Variants in SPOCK3 observed in about 807,000 individuals in gnomAD.
SPOCK3 encodes the protein SPARC (osteonectin), cwcv and kazal like domains proteoglycan 3, also known as testican-3.
In SPOCK3, 30 loss-of-function variants were observed where a neutral mutation model predicts 56.6. The observed-to-expected ratio is 0.53, with a 90% CI of 0.40 to 0.72. The LOEUF is 0.72. SPOCK3 is among the 30% of genes least tolerant of loss of function. The pLI, the probability that SPOCK3 is intolerant of heterozygous loss-of-function variation, is 0.00. For synonymous variants in SPOCK3, 196 were observed against 183.3 expected (o/e 1.07, Z -0.56); for missense variants, 527 against 530.0 (o/e 0.99, Z 0.06).
chr4:167,095,435 C>G (rs1759066246), intron 2 of SPOCK3, among the ~76,000 whole-genome samples: 1 of 151,946 alleles, frequency 6.6e-6, no homozygotes, highest in Non-Finnish European at 1.5e-5. Context: ...GTATTCTATT[C>G]TCTGACTAAT....
intron 3 of SPOCK3, among the ~76,000 whole-genome samples, chr4:167,039,352 T>C (rs933263071): frequency 6.6e-6 from 1 of 152,200 alleles, no homozygotes; most frequent in Admixed American, 6.5e-5. Context: ...AAGACTTATG[T>C]GTATCTTCTG....
intron 3 of SPOCK3, among the ~76,000 whole-genome samples, chr4:167,014,007 G>C (rs1208088962): frequency 6.6e-6 from 1 of 152,148 alleles, no homozygotes; most frequent in Non-Finnish European, 1.5e-5. Context: ...TGTGTTAGGT[G>C]CCTAGAGTAT....
At chr4:167,109,406 T>A (rs1219082431) in intron 2 of SPOCK3, among the ~76,000 whole-genome samples, 1 of 83,462 alleles carries the variant, frequency 1.2e-5, no homozygotes, top group African/African-American at 4.5e-5. Flanking sequence ...TATTTATATA[T>A]AAATATATAT....
intron 6 of SPOCK3, among the ~76,000 whole-genome samples, chr4:166,848,347 G>A (rs1052580978): frequency 9.2e-5 from 14 of 152,138 alleles, no homozygotes; most frequent in African/African-American, 2.7e-4. Flanking sequence ...TTTGCCTGCC[G>A]TTTACCTCTG....
chr4:167,180,619 C>T (rs565181936), intron 2 of SPOCK3, among the ~76,000 whole-genome samples: 12 of 152,230 alleles, frequency 7.9e-5, no homozygotes, highest in African/African-American at 2.9e-4. Context: ...AGTGATATTG[C>T]AGCATTTATA....
intron 3 of SPOCK3, among the ~76,000 whole-genome samples, chr4:167,051,204 T>C (rs1213784214): frequency 6.6e-6 from 1 of 152,154 alleles, no homozygotes; most frequent in Non-Finnish European, 1.5e-5. Context: ...AGAGATCAAT[T>C]GAATCAAAAC....
At chr4:166,770,640 A>G (rs796928093) in intron 7 of SPOCK3, among the ~76,000 whole-genome samples, 9 of 152,322 alleles carry the variant, frequency 5.9e-5, no homozygotes, top group African/African-American at 2.2e-4. Flanking sequence ...ATAAAATAAA[A>G]TAATACCAAG....
intron 6 of SPOCK3, among the ~76,000 whole-genome samples, chr4:166,885,671 A>G (rs574035754): frequency 1.6e-5 from 1 of 61,226 alleles, no homozygotes; most frequent in South Asian, 6.2e-4. Flanking sequence ...CTGAAACTCA[A>G]CAATTCAAAC....
chr4:166,807,091 G>A (rs1743241736), intron 6 of SPOCK3, among the ~76,000 whole-genome samples: 1 of 151,920 alleles, frequency 6.6e-6, no homozygotes, highest in Admixed American at 6.6e-5. Flanking sequence ...TGCAGATAAA[G>A]GGGGAATACT....
At chr4:167,182,320 TC>T (rs562959555) in intron 2 of SPOCK3, among the ~76,000 whole-genome samples, 14 of 147,818 alleles carry the variant, frequency 9.5e-5, no homozygotes, top group East Asian at 2.0e-4. Flanking sequence ...ACTAACATGA[TC>T]CCCCCCAATC....
At chr4:166,884,801 T>C (rs1169256620) in intron 6 of SPOCK3, among the ~76,000 whole-genome samples, 2 of 151,844 alleles carry the variant, frequency 1.3e-5, no homozygotes, top group African/African-American at 4.8e-5. Context: ...TTTATACCCT[T>C]AATGAATAAG....
chr4:166,802,222 G>A (rs1742679883), intron 6 of SPOCK3, among the ~76,000 whole-genome samples: 1 of 151,934 alleles, frequency 6.6e-6, no homozygotes, highest in Non-Finnish European at 1.5e-5. Context: ...GTTTCTGTCT[G>A]TAAAGATCAA....
chr4:166,889,715 T>TTGG (rs1734571745), intron 5 of SPOCK3, among the ~76,000 whole-genome samples: 1 of 151,934 alleles, frequency 6.6e-6, no homozygotes, highest in African/African-American at 2.4e-5. Flanking sequence ...GCCAGTGACT[T>TTGG]GCACAGCATC....
At chr4:166,770,908 A>G (rs1032472490) in intron 7 of SPOCK3, among the ~76,000 whole-genome samples, 7 of 151,884 alleles carry the variant, frequency 4.6e-5, no homozygotes, top group Admixed American at 2.0e-4. Context: ...TCTAATTTTC[A>G]TTGTGGTGAC....
intron 6 of SPOCK3, among the ~76,000 whole-genome samples, chr4:166,817,593 G>A (rs976896694): frequency 6.6e-5 from 10 of 152,094 alleles, no homozygotes; most frequent in African/African-American, 1.4e-4. Context: ...CCACTGCTGC[G>A]TGTCCCCTGG....
intron 3 of SPOCK3, among the ~76,000 whole-genome samples, chr4:167,020,008 T>C (rs568097523): frequency 1.3e-5 from 2 of 152,218 alleles, no homozygotes; most frequent in Admixed American, 1.3e-4. Context: ...CAAGCCCCCC[T>C]GAACTTGGAA....
chr4:166,762,094 TTTG>T (rs375141929), intron 7 of SPOCK3, among the ~76,000 whole-genome samples: 1 of 151,622 alleles, frequency 6.6e-6, no homozygotes, highest in Non-Finnish European at 1.5e-5. Flanking sequence ...TTTCAGTGTT[TTTG>T]TTGTTGTTTA....
At chr4:167,026,461 T>C (rs1224946961) in intron 3 of SPOCK3, among the ~76,000 whole-genome samples, 1 of 152,076 alleles carries the variant, frequency 6.6e-6, no homozygotes, top group East Asian at 1.9e-4. Context: ...TTGGAAGTTC[T>C]CTCTGAGACA....
intron 6 of SPOCK3, among the ~76,000 whole-genome samples, chr4:166,834,130 T>C (rs1225930147): frequency 6.6e-6 from 1 of 152,186 alleles, no homozygotes; most frequent in Non-Finnish European, 1.5e-5. Flanking sequence ...TATTGCACAC[T>C]TCTCTGGTCT....
Sources: gnomAD v4.1 joint callset for allele counts (sites outside exome capture counted in the v4.1 genomes callset) on GRCh38, gnomAD v4.1.1 for gene constraint, MANE v1.5 for transcripts, NCBI Gene and HGNC (gene_info 2026-07-23, HGNC 2026-07-21) for gene names.